METTL25: variants seen among roughly 807,000 people sequenced by gnomAD.
The protein encoded by METTL25 is methyltransferase like 25.
In METTL25, 64 loss-of-function variants were observed where a neutral mutation model predicts 71.6. That is an observed-to-expected ratio of 0.89 (90% CI 0.73 to 1.10). The LOEUF is 1.10. Ranked by LOEUF, METTL25 falls within the 50% of genes least tolerant of loss-of-function variation. The probability of loss-of-function intolerance (pLI) is 0.00; values close to 1 mark genes in which losing one functional copy is unlikely to be tolerated. For synonymous variants in METTL25, 287 were observed against 250.3 expected (o/e 1.15, Z -1.38); for missense variants, 807 against 707.0 (o/e 1.14, Z -1.60).
At chr12:82,391,642 A>G (rs1885594325) in intron 3 of METTL25, among the ~76,000 whole-genome samples, 1 of 151,322 alleles carries the variant, frequency 6.6e-6, no homozygotes, top group African/African-American at 2.4e-5. Flanking sequence ...ATGGACACTT[A>G]GGTTGTTTCC....
chr12:82,424,558 ATG>A (rs1311133700), intron 5 of METTL25, among the ~76,000 whole-genome samples: 3 of 132,288 alleles, frequency 2.3e-5, no homozygotes, highest in East Asian at 5.2e-4. Flanking sequence ...ATATATATAT[ATG>A]TATAAAGGAT....
In METTL25 at chr12:82,399,123, C is replaced by G. The variant is rs1481857832; in HGVS notation, c.860C>G (p.Ser287Cys). Residue 287 changes from serine (S) to cysteine (C), a missense_variant, in exon 4 of 12, where the codon TCT becomes TGT. Transcript: ENST00000248306. ...CCTGATTTTTCTGGCTCTGTAATTT[C>G]TAATATCAGAAACCAAATGGAAACC... ...ILPDFSGSVI[S>C]NIRNQMETLH... is the part of the protein sequence containing the mutation. The G allele has an allele frequency of 1.2e-6, 2 of 1,613,728 alleles. No homozygotes were observed. Among genetic ancestry groups the G allele is most frequent in the Non-Finnish European group, 1.7e-6 (2 of 1,179,842 alleles).
intron 1 of METTL25, among the ~76,000 whole-genome samples, chr12:82,374,949 T>G (rs1883673728): frequency 6.6e-6 from 1 of 152,124 alleles, no homozygotes; most frequent in South Asian, 2.1e-4. Flanking sequence ...AAGGAAGTGA[T>G]AGTTTTGAAA....
intron 5 of METTL25, among the ~76,000 whole-genome samples, chr12:82,407,345 A>G (rs10746246): frequency 1 from 151,708 of 152,214 alleles, 75,604 homozygotes; most frequent in Middle Eastern, 1. Flanking sequence ...TGTTCACTGT[A>G]GGTTTGCAGG....
At chr12:82,448,908 G>C (rs1258993000) in intron 8 of METTL25, among the ~76,000 whole-genome samples, 1 of 152,102 alleles carries the variant, frequency 6.6e-6, no homozygotes, top group Non-Finnish European at 1.5e-5. Context: ...AATATTTTGT[G>C]ATTATGGAGA....
intron 1 of METTL25, among the ~76,000 whole-genome samples, chr12:82,376,830 T>C (rs1156276770): frequency 6.6e-6 from 1 of 152,174 alleles, no homozygotes; most frequent in Non-Finnish European, 1.5e-5. Context: ...TATTATAATT[T>C]ATTGGCCGGG....
intron 5 of METTL25, among the ~76,000 whole-genome samples, chr12:82,420,452 C>T (rs1395353575): frequency 6.6e-6 from 1 of 151,966 alleles, no homozygotes; most frequent in African/African-American, 2.4e-5. Flanking sequence ...CAGGTGTTGA[C>T]TTATTTCCAA....
intron 1 of METTL25, among the ~76,000 whole-genome samples, chr12:82,365,038 A>G (rs932800514): frequency 1.3e-5 from 2 of 152,166 alleles, no homozygotes; most frequent in Admixed American, 6.5e-5. Context: ...TAATTGGCAA[A>G]TAAAAATTAT....
At chr12:82,438,512 CTT>C (rs58370071) in intron 7 of METTL25, 847 of 210,718 alleles carry the variant, frequency 4.0e-3, no homozygotes, top group East Asian at 7.8e-3. Flanking sequence ...TTTATGGTTT[CTT>C]TTTTTTTTTT....
rs746314422 is a variant in METTL25, at chr12:82,398,790, C to T, written c.532-5C>T. The stretch of plus-strand genomic sequence containing the variant: ...CTTTAATTTATTCTTTTTTTCTAAT[C>T]TTAGGTGATTGACTTGGGTTCCGGT... On this transcript the variant is annotated splice_region_variant and splice_polypyrimidine_tract_variant and intron_variant, in intron 3 of 11. Transcript: ENST00000248306. 3 of 1,499,930 alleles carry T rather than the reference C, an allele frequency of 2.0e-6. No homozygotes were observed. Among genetic ancestry groups the T allele is most frequent in the Non-Finnish European group, 2.7e-6 (3 of 1,131,204 alleles). The allele number at this position is 1,499,930 out of a possible 1,614,324, so 92.9% of individuals were successfully genotyped here.
intron 3 of METTL25, among the ~76,000 whole-genome samples, chr12:82,397,720 G>C (rs1365812586): frequency 6.6e-6 from 1 of 151,548 alleles, no homozygotes; most frequent in African/African-American, 2.4e-5. Flanking sequence ...AATTATCTTG[G>C]GCACTTTGTC....
At chr12:82,452,101 A>G (rs1157569076) in intron 8 of METTL25, among the ~76,000 whole-genome samples, 1 of 152,156 alleles carries the variant, frequency 6.6e-6, no homozygotes, top group Non-Finnish European at 1.5e-5. Context: ...TTTTATTTTA[A>G]ATTATTAAAT....
intron 5 of METTL25, among the ~76,000 whole-genome samples, chr12:82,409,165 G>T (rs1887349811): frequency 6.6e-6 from 1 of 152,110 alleles, no homozygotes; most frequent in Admixed American, 6.6e-5. Flanking sequence ...TGTCATGAAT[G>T]TCAGTTTTCA....
At chr12:82,385,242 A>G (rs1471251207) in intron 1 of METTL25, among the ~76,000 whole-genome samples, 1 of 152,138 alleles carries the variant, frequency 6.6e-6, no homozygotes. Context: ...TTTATTTAGA[A>G]TTCTACAAAC....
At chr12:82,466,152 C>T (rs1307788152) in intron 9 of METTL25, among the ~76,000 whole-genome samples, 1 of 151,296 alleles carries the variant, frequency 6.6e-6, no homozygotes, top group Non-Finnish European at 1.5e-5. Flanking sequence ...TTGTTCTTGC[C>T]TTTCTAATTA....
chr12:82,448,652 T>C (rs1171339793), intron 8 of METTL25, among the ~76,000 whole-genome samples: 1 of 152,108 alleles, frequency 6.6e-6, no homozygotes, highest in African/African-American at 2.4e-5. Context: ...GATTTTGTTA[T>C]AATCAAATAG....
intron 3 of METTL25, among the ~76,000 whole-genome samples, chr12:82,397,224 T>G (rs992693904): frequency 2.6e-5 from 4 of 152,112 alleles, no homozygotes; most frequent in East Asian, 1.9e-4. Context: ...CTGTGGTGGT[T>G]GTTTGTATTT....
chr12:82,436,058 G>C (rs980063740), intron 7 of METTL25, among the ~76,000 whole-genome samples: 1 of 151,218 alleles, frequency 6.6e-6, no homozygotes, highest in Non-Finnish European at 1.5e-5. Flanking sequence ...TGGTTTTCTA[G>C]AGGTCTGGGG....
intron 9 of METTL25, among the ~76,000 whole-genome samples, chr12:82,466,336 T>G (rs1365850268): frequency 2.0e-5 from 3 of 151,618 alleles, no homozygotes; most frequent in Non-Finnish European, 4.4e-5. Flanking sequence ...TTCTTAGTTT[T>G]TTTTTTTTCT....
Sources: gnomAD v4.1 joint callset for allele counts (sites outside exome capture counted in the v4.1 genomes callset) on GRCh38, gnomAD v4.1.1 for gene constraint, MANE v1.5 for transcripts, NCBI Gene and HGNC (gene_info 2026-07-23, HGNC 2026-07-21) for gene names.